Variants in SPAG5 observed in about 807,000 individuals in gnomAD.
SPAG5 encodes sperm associated antigen 5.
A neutral mutation model predicts 145.4 loss-of-function variants in SPAG5; 99 were observed. That is an observed-to-expected ratio of 0.68 (90% CI 0.58 to 0.80). The LOEUF is 0.80. Ranked by LOEUF, SPAG5 falls within the 30% of genes least tolerant of loss-of-function variation. SPAG5 has a pLI of 0.00. For synonymous variants in SPAG5, 477 were observed against 525.4 expected (o/e 0.91, Z 1.26); for missense variants, 1,192 against 1,416.0 (o/e 0.84, Z 2.54).
At position 28,580,051 on chromosome 17, in the gene SPAG5, T is replaced by C. The variant is rs774202169; in HGVS notation, c.2755A>G (p.Arg919Gly). The C allele has an allele frequency of 2.5e-6, 4 of 1,614,060 alleles. No homozygotes were observed. Among genetic ancestry groups the C allele is most frequent in the Non-Finnish European group, 3.4e-6 (4 of 1,179,972 alleles). ...GTCAAGATGCTTCCCAGGAAGGTCC[T>C]GTCATTAGGCAGAGGGTGTTCCTGG... is the stretch of plus-strand genomic sequence containing the variant. ...PTQEHPLPND[R>G]TFLGSILTAV... Residue 919 changes from arginine to glycine, a missense_variant, in exon 16 of 24, where the codon AGG becomes GGG. Transcript: ENST00000321765.
Position 28,580,107 on chromosome 17 carries a change from GTC to G in SPAG5, c.2697_2698del (p.Glu899AspfsTer18), listed in dbSNP as rs1347657911. 3 of 1,613,540 alleles carry G rather than the reference GTC, an allele frequency of 1.9e-6. No individual in the cohort carries two copies. The highest frequency in any genetic ancestry group is 2.5e-6 in the Non-Finnish European group (3 of 1,179,620). ...AGGACAGGCTGTACTCAGCAGAAGG[GTC>G]TCTTGTTCAGTCTAAGGGCAAAGAA... On this transcript the variant is annotated frameshift_variant, in exon 16 of 24. Transcript: ENST00000321765. LOFTEE classifies it high-confidence loss of function.
At chr17:28,579,906 G>T in intron 16 of SPAG5, 69 bp from the exon 17 acceptor site, 1 of 1,550,986 alleles carries the variant, frequency 6.4e-7, no homozygotes, top group Non-Finnish European at 8.9e-7. Context: ...CATAATGGAA[G>T]CCAGGGTAAG....
At chr17:28,584,085 A>C in intron 13 of SPAG5, 65 bp downstream of exon 13, 1 of 1,606,590 alleles carries the variant, frequency 6.2e-7, no homozygotes, top group African/African-American at 1.3e-5. Flanking sequence ...TTACCTCAAC[A>C]CTATCAGGCA....
Position 28,592,040 on chromosome 17 carries a change from G to C in SPAG5, c.1204C>G (p.Gln402Glu). ...TGCTTGGTGCCAACCAGGCCTGTCT[G>C]GGATGTGTTTGTACTCTTTTCCTGT... The part of the protein sequence containing the change: ...APQEKSTNTS[Q>E]TGLVGTKHST... Residue 402 changes from glutamine to glutamate, a missense_variant, in exon 3 of 24, where the codon CAG (glutamine) becomes GAG (glutamate). Around this residue, in one of 5 missense-constraint regions of SPAG5, gnomAD observed 125 missense variants for 143.8 expected, o/e 0.87. Transcript: ENST00000321765. 1 of 1,614,184 alleles carries C rather than the reference G, an allele frequency of 6.2e-7. No individual in the cohort carries two copies. The highest frequency in any genetic ancestry group is 8.5e-7 in the Non-Finnish European group (1 of 1,180,028).
chr17:28,596,922 A>G (rs1178204483), intron 2 of SPAG5, among the ~76,000 whole-genome samples: 1 of 151,132 alleles, frequency 6.6e-6, no homozygotes, highest in African/African-American at 2.4e-5. Context: ...CCTGACCAAC[A>G]TGGAGAAACC....
chr17:28,577,884 C>A (rs2070516567), intron 23 of SPAG5, 114 bp from the exon 24 acceptor site: 1 of 1,202,054 alleles, frequency 8.3e-7, no homozygotes. Context: ...CACAGAGAAG[C>A]CTGCAATAGT....
chr17:28,578,570 T>G (rs777294562), intron 20 of SPAG5, 42 bp from the exon 21 acceptor site: 2 of 1,609,584 alleles, frequency 1.2e-6, no homozygotes, highest in African/African-American at 2.7e-5. Flanking sequence ...GACATAAGGA[T>G]AGACAACATG....
In SPAG5 at chr17:28,583,507, C is replaced by T. The variant is rs754424908; in HGVS notation, c.2685+4G>A. On this transcript the variant is annotated splice_donor_region_variant and intron_variant, in intron 15 of 23. Transcript: ENST00000321765. ...AGAGAAGAGAAGGAACCCCAGGATCCTACCTTCTCCTTTAGTTTTGTCTGT... is the reference window on the plus strand; with the variant it reads ...AGAGAAGAGAAGGAACCCCAGGATCTTACCTTCTCCTTTAGTTTTGTCTGT... The T allele has an allele frequency of 5.7e-6, 9 of 1,584,634 alleles. No individual in the cohort carries two copies. Among genetic ancestry groups the T allele is most frequent in the Middle Eastern group, 1.7e-4 (1 of 5,920 alleles).
intron 19 of SPAG5, among the ~76,000 whole-genome samples, 194 bp downstream of exon 19, chr17:28,578,947 T>C (rs2070528549): frequency 6.6e-6 from 1 of 152,114 alleles, no homozygotes; most frequent in South Asian, 2.1e-4. Context: ...GTTCCTGACT[T>C]CTCTCCTGAG....
At chr17:28,583,427 T>A (rs2070561173) in intron 15 of SPAG5, 84 bp downstream of exon 15, 1 of 1,424,684 alleles carries the variant, frequency 7.0e-7, no homozygotes, top group South Asian at 1.5e-5. Context: ...AGGTCACAGT[T>A]AGAAAAAGAG....
chr17:28,578,557 T>C, intron 20 of SPAG5, 29 bp from the exon 21 acceptor site: 1 of 1,609,700 alleles, frequency 6.2e-7, no homozygotes, highest in Non-Finnish European at 8.5e-7. Flanking sequence ...AGGTGTCCAA[T>C]AGGACATAAG....
chr17:28,592,220 G>T lies in SPAG5; in HGVS notation c.1024C>A (p.Pro342Thr). 6.2e-7 allele frequency: 1 copy of T among 1,614,156 alleles called. No homozygotes were observed. The highest frequency in any genetic ancestry group is 8.5e-7 in the Non-Finnish European group (1 of 1,180,012). ...ACACCTTTTTCCAGCCAGGCCAGTG[G>T]GGACATCCAAGACTCTGTATCAGAG... ...LGSDTESWMS[P>T]LAWLEKGVNT... Residue 342 changes from proline (P) to threonine (T), a missense_variant, in exon 3 of 24, where the codon CCA becomes ACA. Pro to Thr is a conservative substitution (Grantham distance 38). Around this residue, in one of 5 missense-constraint regions of SPAG5, gnomAD observed 125 missense variants for 143.8 expected, o/e 0.87. Transcript: ENST00000321765.
Position 28,586,108 on chromosome 17 carries a change from C to A in SPAG5, c.1587G>T (p.Lys529Asn). 1 of 1,614,136 alleles carries A rather than the reference C, an allele frequency of 6.2e-7. No individual in the cohort carries two copies. The highest frequency in any genetic ancestry group is 8.5e-7 in the Non-Finnish European group (1 of 1,179,980). Residue 529 changes from lysine (K) to asparagine (N), a missense_variant, in exon 6 of 24, where the codon AAG (lysine) becomes AAT (asparagine). Around this residue, in one of 5 missense-constraint regions of SPAG5, gnomAD observed 709 missense variants for 840.7 expected, o/e 0.84. Coordinates refer to ENST00000321765, the MANE Select transcript of SPAG5 (RefSeq NM_006461.4). ...TGCTTACCTCCTGACTCACAGTAGTCTTATCTTCTTCTAAATGCAACAGGG... is the reference window on the plus strand; with the variant it reads ...TGCTTACCTCCTGACTCACAGTAGTATTATCTTCTTCTAAATGCAACAGGG... ...HLSLLHLEED[K>N]TTVSQESRRA...
intron 2 of SPAG5, among the ~76,000 whole-genome samples, chr17:28,596,449 C>T (rs750596090): frequency 6.6e-6 from 1 of 152,110 alleles, no homozygotes; most frequent in Non-Finnish European, 1.5e-5. Context: ...GGGCGGATCA[C>T]CTGAGGTCAG....
At chr17:28,577,829 A>T in intron 23 of SPAG5, 59 bp from the exon 24 acceptor site, 1 of 1,438,618 alleles carries the variant, frequency 7.0e-7, no homozygotes, top group Non-Finnish European at 9.8e-7. Flanking sequence ...CAGGGCTCCC[A>T]GCCCCAGGAG....
chr17:28,581,507 G>C (rs2070548833), intron 15 of SPAG5, among the ~76,000 whole-genome samples: 1 of 150,992 alleles, frequency 6.6e-6, no homozygotes, highest in South Asian at 2.1e-4. Context: ...AACCTCTTCT[G>C]TTCTATCCCT....
chr17:28,578,412 G>A lies in SPAG5; in HGVS notation c.3315C>T (p.Ala1105=). 5 of 1,614,142 alleles carry A rather than the reference G, an allele frequency of 3.1e-6. No homozygotes were observed. The highest frequency in any genetic ancestry group is 4.2e-6 in the Non-Finnish European group (5 of 1,180,026). ...GQLDSNCQPM[A]TNWIQEKVWL... ...ACACTTTCTCCTGGATCCAATTGGT[G>A]GCCATAGGCTGGCAGTTGGAGTCCA... The change falls in exon 21 of 24, where the codon GCC becomes GCT. Residue 1105 remains alanine, a synonymous_variant. Transcript: ENST00000321765.
chr17:28,583,717 C>A, intron 14 of SPAG5, 68 bp from the exon 15 acceptor site: 5 of 1,550,474 alleles, frequency 3.2e-6, no homozygotes, highest in Non-Finnish European at 4.4e-6. Flanking sequence ...TCCCAAATCC[C>A]CACAGAGCTG....
At position 28,583,888 on chromosome 17, in the gene SPAG5, C is replaced by A; in HGVS notation, c.2511G>T (p.Gln837His). The change falls in exon 14 of 24, where the codon CAG becomes CAT. Residue 837 changes from glutamine to histidine, a missense_variant. Gln to His is a conservative substitution (Grantham distance 24, BLOSUM62 0). This residue lies in a region of SPAG5 where 709 missense variants were observed against 840.7 expected (regional missense o/e 0.84). Coordinates refer to ENST00000321765, the MANE Select transcript of SPAG5 (RefSeq NM_006461.4). ...CTACAGTGTCCTTGAGGTTCTCACA[C>A]TGCAAGCTGCGCTCCCGGAGCACTT... ...TLEVLRERSL[Q>H]CENLKDTVEN... 1 of 1,614,216 alleles carries A rather than the reference C, an allele frequency of 6.2e-7. No homozygotes were observed. Among genetic ancestry groups the A allele is most frequent in the Non-Finnish European group, 8.5e-7 (1 of 1,180,042 alleles).
Sources: allele counts gnomAD v4.1 joint callset (sites outside exome capture counted in the v4.1 genomes callset), GRCh38; gene constraint gnomAD v4.1.1; regional missense constraint gnomAD v4.1.1; transcripts MANE v1.5; gene names NCBI Gene and HGNC (gene_info 2026-07-23, HGNC 2026-07-21).